KIRREL3: variants seen among roughly 807,000 people sequenced by gnomAD.
KIRREL3 encodes the protein kin of IRRE-like protein 3.
Under a neutral mutation model 89.7 loss-of-function variants are expected in KIRREL3, and 36 were observed. The ratio of observed to expected loss-of-function variants is 0.40; its 90% CI spans 0.31 to 0.53. KIRREL3 has a LOEUF of 0.53. KIRREL3 is among the 20% of genes least tolerant of loss of function. KIRREL3 has a pLI of 0.49. For missense variants in KIRREL3, 864 were observed against 1,056.6 expected (o/e 0.82, Z 2.53); for synonymous variants, 445 against 441.4 (o/e 1.01, Z -0.10).
intron 1 of KIRREL3, among the ~76,000 whole-genome samples, chr11:126,626,731 G>T: frequency 6.6e-6 from 1 of 152,232 alleles, no homozygotes; most frequent in South Asian, 2.1e-4. Context: ...GGTGGCTCAC[G>T]CCTGTAATCC....
intron 1 of KIRREL3, among the ~76,000 whole-genome samples, chr11:126,632,247 CTCT>C (rs899357508): frequency 3.3e-5 from 5 of 152,218 alleles, no homozygotes; most frequent in African/African-American, 1.2e-4. Context: ...CTAATCAGGG[CTCT>C]TCTTCTGGGC....
intron 1 of KIRREL3, among the ~76,000 whole-genome samples, chr11:126,816,354 C>T (rs562577420): frequency 2.6e-5 from 4 of 152,102 alleles, no homozygotes; most frequent in South Asian, 4.1e-4. Flanking sequence ...GACTTCTTTC[C>T]GAGTTTACGT....
intron 1 of KIRREL3, among the ~76,000 whole-genome samples, chr11:126,632,804 A>T (rs1944098058): frequency 5.0e-5 from 1 of 20,076 alleles, no homozygotes; most frequent in South Asian, 1.1e-3. Flanking sequence ...AAAAAAAAAA[A>T]AAAAAGACCA....
intron 1 of KIRREL3, among the ~76,000 whole-genome samples, chr11:126,602,013 G>C (rs1942679638): frequency 6.6e-6 from 1 of 152,214 alleles, no homozygotes; most frequent in African/African-American, 2.4e-5. Context: ...AGGGGCTGCG[G>C]CCTTTTCCCG....
intron 5 of KIRREL3, among the ~76,000 whole-genome samples, chr11:126,467,321 G>C (rs779655121): frequency 6.6e-6 from 1 of 152,184 alleles, no homozygotes; most frequent in Non-Finnish European, 1.5e-5. Flanking sequence ...CTGGGAGGCC[G>C]GTCTTCCCAG....
rs990431417 is a variant in KIRREL3 at position 126,483,023 on chromosome 11, A to G, written c.434-9557T>C. Among the ~76,000 whole-genome samples, 4 of 152,374 alleles carry G rather than the reference A, an allele frequency of 2.6e-5. No homozygotes were observed. In the South Asian group the frequency reaches 8.3e-4, roughly 32 times the overall value. ...AGCAGAAGCAAAAAGTTTACTCTCC[A>G]ATCCCCTGCCTTCCTGGGCGAGAGC... is the stretch of plus-strand genomic sequence containing the variant. On this transcript the variant is annotated intron_variant, in intron 4 of 16. Transcript: ENST00000525144.
chr11:126,978,185 T>G lies in KIRREL3; in HGVS notation c.55+22270A>C, dbSNP rs181776424. On this transcript the variant is annotated intron_variant, in intron 1 of 16. Transcript: ENST00000525144. The surrounding 1 kb of genome is among the most constrained non-coding windows in gnomAD (Gnocchi z 4.2). ...GATGCAGGGCATGCAGGTAATCAAT[T>G]ATGCGATTCTTTCAGGGTTGCTTCT... 6.6e-6 allele frequency among the ~76,000 whole-genome samples: 1 copy of G among 152,324 alleles called. No individual in the cohort carries two copies. The highest frequency in any genetic ancestry group is 1.9e-4 in the East Asian group (1 of 5,190).
rs199655165 is a variant in KIRREL3, at chr11:126,715,600, C to T, written c.56-152688G>A. Among the ~76,000 whole-genome samples, 41 of 152,134 alleles carry T rather than the reference C, an allele frequency of 2.7e-4. No homozygotes were observed. The highest frequency in any genetic ancestry group is 2.1e-4 in the South Asian group (1 of 4,808). The stretch of plus-strand genomic sequence containing the variant: ...AATGCAGTTTGGGAATATAGGAGAA[C>T]GTGGACCATTTTGCAAATCAAAAAC... On this transcript the variant is annotated intron_variant, in intron 1 of 16. Transcript: ENST00000525144. The surrounding 1 kb of genome is among the most constrained non-coding windows in gnomAD (Gnocchi z 4.4).
chr11:126,923,184 CTTCTCTTCTTCTTCT>C lies in KIRREL3; in HGVS notation c.55+77256_55+77270del, dbSNP rs1565423107. ...TTCTTCTTCTTCTTCTTCTCTTCTT[CTTCTCTTCTTCTTCT>C]TCTTCTTCTTCTTCTTCTTCTTCTT... is the stretch of plus-strand genomic sequence containing the variant. On this transcript the variant is annotated intron_variant, in intron 1 of 16. Coordinates refer to ENST00000525144, the MANE Select transcript of KIRREL3 (RefSeq NM_032531.4). 9.2e-4 allele frequency among the ~76,000 whole-genome samples: 21 copies of C among 22,782 alleles called. 5 individuals carry two copies. Among genetic ancestry groups the C allele is most frequent in the Admixed American group, 1.7e-3 (3 of 1,762 alleles). 14.9% of individuals were successfully genotyped at this position (22,782 alleles called of 152,430 possible).
At position 126,908,569 on chromosome 11, in the gene KIRREL3, G is replaced by T. The variant is rs774140949; in HGVS notation, c.55+91886C>A. ...GAACAGGGCAGGGCATAGGGTAAACGTTCTAGAAACACTGGCTATTACTAT... is the reference window on the plus strand; with the variant it reads ...GAACAGGGCAGGGCATAGGGTAAACTTTCTAGAAACACTGGCTATTACTAT... On this transcript the variant is annotated intron_variant, in intron 1 of 16. Coordinates refer to ENST00000525144, the MANE Select transcript of KIRREL3 (RefSeq NM_032531.4). The surrounding 1 kb of genome is among the most constrained non-coding windows in gnomAD (Gnocchi z 4.2). Among the ~76,000 whole-genome samples the T allele has an allele frequency of 1.3e-5, 2 of 152,186 alleles. No homozygotes were observed. Among genetic ancestry groups the T allele is most frequent in the South Asian group, 4.1e-4 (2 of 4,830 alleles).
chr11:126,646,183 G>A (rs1944661649), intron 1 of KIRREL3, among the ~76,000 whole-genome samples: 1 of 152,064 alleles, frequency 6.6e-6, no homozygotes, highest in Non-Finnish European at 1.5e-5. Flanking sequence ...GGTCCCCCTT[G>A]TACCTTCGAG....
At chr11:126,746,434 T>G (rs1949152787) in intron 1 of KIRREL3, among the ~76,000 whole-genome samples, 1 of 152,208 alleles carries the variant, frequency 6.6e-6, no homozygotes, top group Non-Finnish European at 1.5e-5. Context: ...GACTCCCTAA[T>G]TCATTTCTGT....
Position 126,606,356 on chromosome 11 carries a change from C to A in KIRREL3, c.56-43444G>T, listed in dbSNP as rs1942888147. On this transcript the variant is annotated intron_variant, in intron 1 of 16. Transcript: ENST00000525144. The surrounding 1 kb of genome is among the most constrained non-coding windows in gnomAD (Gnocchi z 4.6). ...GAATTTATGTAGTCTTTCTGTGTTT[C>A]AGTTTCCAAGTCTGTAAAATACGGG... Among the ~76,000 whole-genome samples, 1 of 152,166 alleles carries A rather than the reference C, an allele frequency of 6.6e-6. No individual in the cohort carries two copies. The highest frequency in any genetic ancestry group is 1.5e-5 in the Non-Finnish European group (1 of 68,036).
chr11:126,460,876 T>C (rs1354141390), intron 6 of KIRREL3, among the ~76,000 whole-genome samples: 2 of 152,214 alleles, frequency 1.3e-5, no homozygotes, highest in African/African-American at 4.8e-5. Context: ...AGCTAGATTG[T>C]CACTTTTGTC....
At position 126,778,227 on chromosome 11, in the gene KIRREL3, T is replaced by C. The variant is rs1950225761; in HGVS notation, c.56-215315A>G. Among the ~76,000 whole-genome samples the C allele has an allele frequency of 6.6e-6, 1 of 152,174 alleles. No individual in the cohort carries two copies. Among genetic ancestry groups the C allele is most frequent in the Non-Finnish European group, 1.5e-5 (1 of 68,022 alleles). On this transcript the variant is annotated intron_variant, in intron 1 of 16. Coordinates refer to ENST00000525144, the MANE Select transcript of KIRREL3 (RefSeq NM_032531.4). This position sits in a 1 kb window ranked among gnomAD's most constrained non-coding sequence, Gnocchi z 4.5. Reference sequence around the variant, plus strand: ...ACATATTTTTTCTTTTTAATTAAAATGGGATCATATTATACACCTTGTTCT... The same window carrying C: ...ACATATTTTTTCTTTTTAATTAAAACGGGATCATATTATACACCTTGTTCT...
At chr11:126,828,015 C>T (rs1202699480) in intron 1 of KIRREL3, among the ~76,000 whole-genome samples, 2 of 152,262 alleles carry the variant, frequency 1.3e-5, no homozygotes, top group East Asian at 1.9e-4. Flanking sequence ...CACAGTTTCT[C>T]ATCTGTAAAA....
chr11:126,747,030 C>T lies in KIRREL3; in HGVS notation c.56-184118G>A, dbSNP rs904064794. Reference sequence around the variant, plus strand: ...TATATTCTGAAGCATAGACATGCTTCTGCCATCTTGGCTTAAAAACCTCCA... The same window carrying T: ...TATATTCTGAAGCATAGACATGCTTTTGCCATCTTGGCTTAAAAACCTCCA... On this transcript the variant is annotated intron_variant, in intron 1 of 16. Coordinates refer to ENST00000525144, the MANE Select transcript of KIRREL3 (RefSeq NM_032531.4). This position sits in a 1 kb window ranked among gnomAD's most constrained non-coding sequence, Gnocchi z 4.7. Among the ~76,000 whole-genome samples the T allele has an allele frequency of 6.6e-6, 1 of 152,216 alleles. No individual in the cohort carries two copies. The highest frequency in any genetic ancestry group is 2.4e-5 in the African/African-American group (1 of 41,458).
chr11:126,767,701 G>A (rs926618186), intron 1 of KIRREL3, among the ~76,000 whole-genome samples: 5 of 152,106 alleles, frequency 3.3e-5, no homozygotes, highest in South Asian at 2.1e-4. Flanking sequence ...ATCAGTCAGC[G>A]GATATCTATT....
chr11:126,778,696 C>T lies in KIRREL3; in HGVS notation c.56-215784G>A, dbSNP rs893157220. ...ACATGGCTCTCCAGAAAGGTGGTAC[C>T]AACATACATTCCCGCTAGTAATGTT... On this transcript the variant is annotated intron_variant, in intron 1 of 16. Transcript: ENST00000525144. The surrounding 1 kb of genome is among the most constrained non-coding windows in gnomAD (Gnocchi z 4.5). Among the ~76,000 whole-genome samples the T allele has an allele frequency of 4.6e-5, 7 of 152,116 alleles. No individual in the cohort carries two copies. Among genetic ancestry groups the T allele is most frequent in the Non-Finnish European group, 1.0e-4 (7 of 68,024 alleles).
Sources: gnomAD v4.1 joint callset for allele counts (sites outside exome capture counted in the v4.1 genomes callset) on GRCh38, gnomAD v4.1.1 for gene constraint, Gnocchi (gnomAD v3.1) non-coding constraint, MANE v1.5 for transcripts, NCBI Gene and HGNC (gene_info 2026-07-23, HGNC 2026-07-21) for gene names.